The following GCH1 variants were observed in gnomAD, a reference collection of about 807,000 sequenced individuals.
GCH1 encodes the protein GTP cyclohydrolase 1.
GCH1 carries 5 observed loss-of-function variants against 25.9 expected under a neutral mutation model. That is an observed-to-expected ratio of 0.19 (90% CI 0.10 to 0.41). GCH1 has a LOEUF of 0.41. Ranked by LOEUF, GCH1 falls within the 10% of genes least tolerant of loss-of-function variation. The pLI, the probability that GCH1 is intolerant of heterozygous loss-of-function variation, is 1.00. For synonymous variants in GCH1, 159 were observed against 129.6 expected, an observed-to-expected ratio of 1.23 and a Z score of -1.54; for missense variants, 261 against 336.5, an observed-to-expected ratio of 0.78 and a Z score of 1.75.
intron 1 of GCH1, among the ~76,000 whole-genome samples, chr14:54,887,976 T>G (rs1267334679): frequency 6.6e-6 from 1 of 152,190 alleles, no homozygotes; most frequent in Non-Finnish European, 1.5e-5. Flanking sequence ...ATATGAAGCT[T>G]TATTAATAAA....
Position 54,902,745 on chromosome 14 carries a change from A to T in GCH1, c.-82T>A, listed in dbSNP as rs1054131087. The T allele has an allele frequency of 7.3e-7, 1 of 1,377,456 alleles. No homozygotes were observed. Among genetic ancestry groups the T allele is most frequent in the East Asian group, 3.0e-5 (1 of 33,216 alleles). The allele number at this position is 1,377,456 out of a possible 1,614,324, so 85.3% of individuals were successfully genotyped here. A position where few individuals can be genotyped will look rare whatever the true frequency, so the allele number is the denominator to read the frequency against. On this transcript the variant is annotated 5_prime_UTR_variant, in exon 1 of 6. Coordinates refer to ENST00000491895, the MANE Select transcript of GCH1 (RefSeq NM_000161.3). ...GGCTAAACTCCGCCGGTGGCCGCGG[A>T]CAATGGGCTGTGGCCGGAGTCACCT... is the stretch of plus-strand genomic sequence containing the variant.
At position 54,843,574 on chromosome 14, in the gene GCH1, A is replaced by T. The variant is rs1243078397; in HGVS notation, c.*443T>A. ...GTTGAACTTGAATTCACAGAGCAAT[A>T]CCGCACTAAATATTTTAGCACTTTC... On this transcript the variant is annotated 3_prime_UTR_variant, in exon 6 of 6. Transcript: ENST00000491895. 7.1e-7 allele frequency: 1 copy of T among 1,418,142 alleles called. No homozygotes were observed. Among genetic ancestry groups the T allele is most frequent in the Non-Finnish European group, 9.2e-7 (1 of 1,086,358 alleles). The allele number at this position is 1,418,142 out of a possible 1,614,324, so 87.8% of individuals were successfully genotyped here. A position where few individuals can be genotyped will look rare whatever the true frequency, so the allele number is the denominator to read the frequency against.
At chr14:54,848,578 T>C (rs2039679610) in intron 3 of GCH1, among the ~76,000 whole-genome samples, 1 of 152,198 alleles carries the variant, frequency 6.6e-6, no homozygotes, top group African/African-American at 2.4e-5. Flanking sequence ...AGATTCAATT[T>C]ATGGTTCACC....
Position 54,902,478 on chromosome 14 carries a change from C to T in GCH1, c.186G>A (p.Glu62=), listed in dbSNP as rs752590798. 6.2e-7 allele frequency: 1 copy of T among 1,611,568 alleles called. No homozygotes were observed. Among genetic ancestry groups the T allele is most frequent in the African/African-American group, 1.3e-5 (1 of 74,996 alleles). The part of the protein sequence containing the change: ...GWKGERPRSE[E]DNELNLPNLA... Reference sequence around the variant, plus strand: ...GGTTAGGGAGGTTCAGCTCGTTATCCTCCTCGCTGCGGGGCCGCTCGCCCT... The same window carrying T: ...GGTTAGGGAGGTTCAGCTCGTTATCTTCCTCGCTGCGGGGCCGCTCGCCCT... Residue 62 remains glutamate (E), a synonymous_variant, in exon 1 of 6, where the codon GAG becomes GAA. Coordinates refer to ENST00000491895, the MANE Select transcript of GCH1 (RefSeq NM_000161.3).
At chr14:54,868,934 T>C (rs1165195269) in intron 1 of GCH1, among the ~76,000 whole-genome samples, 1 of 151,940 alleles carries the variant, frequency 6.6e-6, no homozygotes, top group East Asian at 1.9e-4. Flanking sequence ...AGATGGGATC[T>C]TGATATATTG....
intron 3 of GCH1, among the ~76,000 whole-genome samples, chr14:54,853,986 A>C (rs2039772422): frequency 6.6e-6 from 1 of 152,184 alleles, no homozygotes; most frequent in African/African-American, 2.4e-5. Flanking sequence ...CTCTTGGTCC[A>C]TTCCTTTCTC....
intron 3 of GCH1, among the ~76,000 whole-genome samples, chr14:54,848,311 A>G (rs1211840547): frequency 4.0e-5 from 6 of 151,884 alleles, no homozygotes; most frequent in African/African-American, 1.2e-4. Flanking sequence ...TAATTTTTGT[A>G]TTTTTAGTAG....
rs181431477 is a variant in GCH1, at chr14:54,847,361, T to G, written c.510-231A>C. On this transcript the variant is annotated intron_variant, in intron 3 of 5. Coordinates refer to ENST00000491895, the MANE Select transcript of GCH1 (RefSeq NM_000161.3). ...GTTCCTGGGTATGCCTGTGAGGGTG[T>G]TGCCAAAGGAGATTAACATTTGAGT... 2.4e-3 allele frequency among the ~76,000 whole-genome samples: 365 copies of G among 152,300 alleles called. 2 individuals are homozygous for G. Among genetic ancestry groups the G allele is most frequent in the African/African-American group, 8.2e-3 (340 of 41,564 alleles).
Position 54,902,592 on chromosome 14 carries a change from C to T in GCH1, c.72G>A (p.Glu24=), listed in dbSNP as rs1206554765. 2.0e-6 allele frequency: 3 copies of T among 1,498,924 alleles called. No individual in the cohort carries two copies. Among genetic ancestry groups the T allele is most frequent in the African/African-American group, 2.9e-5 (2 of 68,330 alleles). 92.9% of individuals were successfully genotyped at this position (1,498,924 alleles called of 1,614,324 possible). The change falls in exon 1 of 6, where the codon GAG becomes GAA. Residue 24 remains glutamate, a synonymous_variant. Transcript: ENST00000491895. ...TGGGCCCGGGCCGCGGCGGATCCCGCTCGGGGAACCCATTGCTGCACCTGG... is the reference window on the plus strand; with the variant it reads ...TGGGCCCGGGCCGCGGCGGATCCCGTTCGGGGAACCCATTGCTGCACCTGG... ...RGARCSNGFP[E]RDPPRPGPSR...
chr14:54,887,364 C>T (rs115300850), intron 1 of GCH1, among the ~76,000 whole-genome samples: 1 of 152,122 alleles, frequency 6.6e-6, no homozygotes, highest in Non-Finnish European at 1.5e-5. Flanking sequence ...TTAGTGAGGT[C>T]TTTAGACCTG....
rs115580164 is a variant in GCH1 at position 54,889,978 on chromosome 14, T to C, written c.343+12343A>G. ...GTGAGGAAAGACAACAGAAAATCAA[T>C]CAAGTGTTTTTTGCAAGGAAAAAAC... On this transcript the variant is annotated intron_variant, in intron 1 of 5. Coordinates refer to ENST00000491895, the MANE Select transcript of GCH1 (RefSeq NM_000161.3). 6.5e-3 allele frequency among the ~76,000 whole-genome samples: 989 copies of C among 152,214 alleles called. 13 individuals are homozygous for C. The highest frequency in any genetic ancestry group is 0.022 in the African/African-American group (931 of 41,534).
intron 1 of GCH1, among the ~76,000 whole-genome samples, chr14:54,898,495 A>G (rs1259393339): frequency 1.3e-5 from 2 of 152,264 alleles, no homozygotes; most frequent in African/African-American, 4.8e-5. Flanking sequence ...AGCTTAATGT[A>G]TTTAAAACTT....
chr14:54,870,335 C>CAAAAAAA (rs561453897), intron 1 of GCH1, among the ~76,000 whole-genome samples: 2 of 66,604 alleles, frequency 3.0e-5, no homozygotes, highest in African/African-American at 6.1e-5. Context: ...CTGTTTTTAC[C>CAAAAAAA]AAAAAAAAAA....
chr14:54,896,448 C>G (rs2040483853), intron 1 of GCH1, among the ~76,000 whole-genome samples: 1 of 151,346 alleles, frequency 6.6e-6, no homozygotes, highest in African/African-American at 2.4e-5. Flanking sequence ...TCTCACTACT[C>G]TGTCTTCTCT....
chr14:54,876,920 A>G (rs551128211), intron 1 of GCH1, among the ~76,000 whole-genome samples: 1 of 152,326 alleles, frequency 6.6e-6, no homozygotes, highest in East Asian at 1.9e-4. Context: ...CACAGTTTTG[A>G]CCTTGGAATC....
chr14:54,882,046 G>T (rs930529209), intron 1 of GCH1, among the ~76,000 whole-genome samples: 1 of 152,188 alleles, frequency 6.6e-6, no homozygotes, highest in African/African-American at 2.4e-5. Flanking sequence ...TAATATTCAT[G>T]GAAGTTTATC....
intron 1 of GCH1, among the ~76,000 whole-genome samples, chr14:54,882,828 G>T (rs949594706): frequency 6.6e-6 from 1 of 152,202 alleles, no homozygotes. Flanking sequence ...TACCATCAGA[G>T]TGCGCAAGCC....
rs1421389878 is a variant in GCH1 at position 54,844,010 on chromosome 14, A to AC, written c.*6_*7insG. ...TCGGCAACCAACGCACACACACTGA[A>AC]TGAAGCTCAGCTCCTAATGAGAGTC... On this transcript the variant is annotated 3_prime_UTR_variant, in exon 6 of 6. Coordinates refer to ENST00000491895, the MANE Select transcript of GCH1 (RefSeq NM_000161.3). 1.9e-6 allele frequency: 3 copies of AC among 1,614,114 alleles called. No homozygotes were observed. Among genetic ancestry groups the AC allele is most frequent in the Non-Finnish European group, 1.7e-6 (2 of 1,180,034 alleles).
At position 54,843,628 on chromosome 14, in the gene GCH1, A is replaced by T; in HGVS notation, c.*389T>A. On this transcript the variant is annotated 3_prime_UTR_variant, in exon 6 of 6. Coordinates refer to ENST00000491895, the MANE Select transcript of GCH1 (RefSeq NM_000161.3). Reference sequence around the variant, plus strand: ...ACTACACCACTTTTATTGGAGGAAGAAAAAAAACAGTATACTGGGCACAGT... The same window carrying T: ...ACTACACCACTTTTATTGGAGGAAGTAAAAAAACAGTATACTGGGCACAGT... The T allele has an allele frequency of 1.3e-6, 2 of 1,486,360 alleles. No homozygotes were observed. Among genetic ancestry groups the T allele is most frequent in the Non-Finnish European group, 1.8e-6 (2 of 1,122,068 alleles). The allele number at this position is 1,486,360 out of a possible 1,614,324, so 92.1% of individuals were successfully genotyped here.
Sources: gnomAD v4.1 joint callset for allele counts (sites outside exome capture counted in the v4.1 genomes callset) on GRCh38, gnomAD v4.1.1 for gene constraint, MANE v1.5 for transcripts, NCBI Gene and HGNC (gene_info 2026-07-23, HGNC 2026-07-21) for gene names.